FAM90A20: variants seen among roughly 807,000 people sequenced by gnomAD.
FAM90A20 encodes protein FAM90A20.
At chr8:7,297,088 C>T in the FAM90A20 span, 22 of 1,511,394 alleles carry the variant, frequency 1.5e-5, 2 homozygotes, top group South Asian at 2.3e-5. Flanking sequence ...TGCCGGTCCA[C>T]ACAACCTGTA....
chr8:7,297,490 G>A, the FAM90A20 span: 19 of 1,534,748 alleles, frequency 1.2e-5, 3 homozygotes, highest in East Asian at 9.0e-5. Flanking sequence ...TCAGCTTTGG[G>A]TCAGGAGCCA....
At chr8:7,296,365 A>G in the FAM90A20 span, 3 of 746,368 alleles carry the variant, frequency 4.0e-6, 1 homozygote, top group South Asian at 1.4e-5. Flanking sequence ...GCCGAATGGA[A>G]AAGGATCCAC....
At chr8:7,295,794 T>G in the FAM90A20 span, 9 of 1,175,654 alleles carry the variant, frequency 7.7e-6, 2 homozygotes, top group Admixed American at 1.8e-5. Context: ...CCGGGGCCCT[T>G]GAACAAGGAT....
At chr8:7,295,489 A>G in the FAM90A20 span, 350 of 510,978 alleles carry the variant, frequency 6.8e-4, 21 homozygotes, top group Non-Finnish European at 9.8e-4. Flanking sequence ...GAACTCTCCC[A>G]GCACTTAACG....
At chr8:7,297,146 A>G in the FAM90A20 span, 4 of 1,527,280 alleles carry the variant, frequency 2.6e-6, 1 homozygote, top group South Asian at 1.1e-5. Flanking sequence ...AGCTACCGAA[A>G]TGTCTGGCAG....
At chr8:7,296,877 G>A in the FAM90A20 span, among the ~76,000 whole-genome samples, 6 of 136,876 alleles carry the variant, frequency 4.4e-5, 1 homozygote, top group South Asian at 2.2e-4. Context: ...GCTCGATAGC[G>A]CATCGTTCAT....
the FAM90A20 span, chr8:7,297,531 G>C: frequency 3.9e-6 from 6 of 1,522,028 alleles, 2 homozygotes; most frequent in Middle Eastern, 4.6e-4. Flanking sequence ...ATTCAGGCTT[G>C]CCTGAACTTC....
the FAM90A20 span, among the ~76,000 whole-genome samples, chr8:7,296,616 C>G: frequency 1.5e-5 from 2 of 135,446 alleles, no homozygotes; most frequent in African/African-American, 3.5e-5. Context: ...TTATGGCAAG[C>G]CTGCCAACAA....
chr8:7,296,275 T>C, the FAM90A20 span: 1,361 of 721,524 alleles, frequency 1.9e-3, 151 homozygotes, highest in Non-Finnish European at 2.1e-3. Flanking sequence ...GCCTGACCTT[T>C]TTCTGTTCTG....
the FAM90A20 span, chr8:7,295,789 G>A: frequency 6.6e-6 from 8 of 1,219,074 alleles, 1 homozygote; most frequent in South Asian, 1.2e-5. Context: ...CCAACCCGGG[G>A]CCCTTGAACA....
At chr8:7,297,379 G>C in the FAM90A20 span, 1,315 of 1,506,786 alleles carry the variant, frequency 8.7e-4, 407 homozygotes, top group African/African-American at 0.024. Flanking sequence ...CCCACGGCCT[G>C]CTCCAGGCCG....
At chr8:7,297,607 G>T in the FAM90A20 span, 2 of 1,460,424 alleles carry the variant, frequency 1.4e-6, 1 homozygote, top group South Asian at 2.3e-5. Flanking sequence ...GTGAGCTGGG[G>T]GCCCCGGAGA....
the FAM90A20 span, chr8:7,297,460 C>A: frequency 2.6e-6 from 4 of 1,549,156 alleles, no homozygotes; most frequent in South Asian, 3.3e-5. Context: ...CCACACACAG[C>A]TTGGGCCTAG....
At chr8:7,297,673 G>C in the FAM90A20 span, 3 of 1,392,980 alleles carry the variant, frequency 2.2e-6, no homozygotes, top group Non-Finnish European at 2.9e-6. Flanking sequence ...CGCCCCAGAT[G>C]GGCAGGAGGA....
At chr8:7,295,359 T>TG in the FAM90A20 span, among the ~76,000 whole-genome samples, 1 of 63,606 alleles carries the variant, frequency 1.6e-5, no homozygotes, top group Non-Finnish European at 2.6e-5. Context: ...CTTAGAGTCC[T>TG]GTGTAGCCAC....
At chr8:7,297,126 C>G in the FAM90A20 span, 38 of 1,515,478 alleles carry the variant, frequency 2.5e-5, 2 homozygotes, top group Non-Finnish European at 2.4e-5. Context: ...CCTGTCCTCT[C>G]TGGTCGCTCA....
At chr8:7,297,736 C>T in the FAM90A20 span, 8 of 1,492,120 alleles carry the variant, frequency 5.4e-6, 1 homozygote, top group Middle Eastern at 2.3e-4. Context: ...GCAGACCTTG[C>T]CTGCCTACTG....
At chr8:7,296,325 G>T in the FAM90A20 span, 15 of 740,348 alleles carry the variant, frequency 2.0e-5, 3 homozygotes, top group Non-Finnish European at 2.7e-5. Flanking sequence ...TCCTCCACAT[G>T]TTTTCCGGGA....
At chr8:7,297,389 G>C in the FAM90A20 span, 7 of 1,524,320 alleles carry the variant, frequency 4.6e-6, no homozygotes, top group East Asian at 1.1e-4. Flanking sequence ...GCTCCAGGCC[G>C]TCAGAACCCA....
Sources: allele counts gnomAD v4.1 joint callset (sites outside exome capture counted in the v4.1 genomes callset), GRCh38; gene constraint gnomAD v4.1.1; transcripts MANE v1.5; gene names NCBI Gene and HGNC (gene_info 2026-07-23, HGNC 2026-07-21).